STN1: variants seen among roughly 807,000 people sequenced by gnomAD.
STN1 encodes CST complex subunit STN1.
STN1 carries 29 observed loss-of-function variants against 45.5 expected under a neutral mutation model. The ratio of observed to expected loss-of-function variants is 0.64; its 90% CI spans 0.47 to 0.87. The LOEUF is 0.87. STN1 is among the 40% of genes least tolerant of loss of function. The pLI is 0.00. For synonymous variants in STN1, 148 were observed against 159.0 expected, an observed-to-expected ratio of 0.93 and a Z score of 0.52; for missense variants, 376 against 441.4, an observed-to-expected ratio of 0.85 and a Z score of 1.33.
intron 9 of STN1, 25 bp downstream of exon 9, chr10:103,889,047 A>G: frequency 3.3e-6 from 5 of 1,535,848 alleles, no homozygotes; most frequent in Non-Finnish European, 4.5e-6. Context: ...GCACCAGGGC[A>G]TCACTTGTAC....
chr10:103,910,149 T>G (rs1843280163), intron 3 of STN1, among the ~76,000 whole-genome samples: 1 of 152,208 alleles, frequency 6.6e-6, no homozygotes, highest in Admixed American at 6.5e-5. Context: ...TACTTTAACA[T>G]TAATCTGGTC....
At position 103,877,989 on chromosome 10, in the gene STN1, T is replaced by C. The variant is rs116699920; in HGVS notation, c.*4695A>G. 2,829 of 152,364 alleles carry C rather than the reference T, an allele frequency of 0.019. 73 individuals carry two copies. The highest frequency in any genetic ancestry group is 0.065 in the African/African-American group (2,696 of 41,572). 9.4% of individuals were successfully genotyped at this position (152,364 alleles called of 1,614,324 possible). A position where few individuals can be genotyped will look rare whatever the true frequency, so the allele number is the denominator to read the frequency against. On this transcript the variant is annotated 3_prime_UTR_variant, in exon 10 of 10. Coordinates refer to ENST00000224950, the MANE Select transcript of STN1 (RefSeq NM_024928.5). ...AAATTACAAGTTTACTTGGTTTCAGTCCTTGGCACTAAGTCTTAGGTTCCT... is the reference window on the plus strand; with the variant it reads ...AAATTACAAGTTTACTTGGTTTCAGCCCTTGGCACTAAGTCTTAGGTTCCT...
Position 103,918,139 on chromosome 10 carries a change from A to C in STN1, c.-102T>G, listed in dbSNP as rs4387287. On this transcript the variant is annotated 5_prime_UTR_variant, in exon 1 of 10. Coordinates refer to ENST00000224950, the MANE Select transcript of STN1 (RefSeq NM_024928.5). The stretch of plus-strand genomic sequence containing the variant: ...GCCGCCTGCAGCTCCAGGAGCCCTG[A>C]GACCTGGCCCTTCCGGCGCTCGGAG... 0.69 allele frequency: 105,962 copies of C among 152,622 alleles called. 40,268 individuals are homozygous for C. Among genetic ancestry groups the C allele is most frequent in the Non-Finnish European group, 0.83 (56,794 of 68,290 alleles). The allele number at this position is 152,622 out of a possible 1,614,324, so 9.5% of individuals were successfully genotyped here.
intron 2 of STN1, 98 bp from the exon 3 acceptor site, chr10:103,910,720 A>G: frequency 3.1e-6 from 2 of 644,756 alleles, no homozygotes. Flanking sequence ...TAAAAAAATC[A>G]ATCCATGCTG....
At chr10:103,911,465 C>T (rs957737329) in intron 2 of STN1, among the ~76,000 whole-genome samples, 1 of 152,228 alleles carries the variant, frequency 6.6e-6, no homozygotes, top group African/African-American at 2.4e-5. Flanking sequence ...ATCTCTTTTC[C>T]AGCCTCTTCC....
intron 4 of STN1, among the ~76,000 whole-genome samples, chr10:103,900,472 C>T (rs566874453): frequency 3.9e-5 from 6 of 152,284 alleles, no homozygotes; most frequent in East Asian, 3.9e-4. Context: ...GGGCAAGTTC[C>T]GACAGGCTCC....
At chr10:103,889,460 C>T (rs755068348) in intron 8 of STN1, among the ~76,000 whole-genome samples, 4 of 152,012 alleles carry the variant, frequency 2.6e-5, no homozygotes, top group East Asian at 1.9e-4. Context: ...TAGTTTTGAG[C>T]GAGGCACAGT....
intron 8 of STN1, 60 bp from the exon 9 acceptor site, chr10:103,889,204 T>C: frequency 9.7e-7 from 1 of 1,030,970 alleles, no homozygotes; most frequent in Admixed American, 1.7e-5. Context: ...AGTTGTGTCA[T>C]CCAGACTTCC....
At chr10:103,915,854 G>C (rs1193949159) in intron 2 of STN1, among the ~76,000 whole-genome samples, 1 of 152,044 alleles carries the variant, frequency 6.6e-6, no homozygotes, top group African/African-American at 2.4e-5. Flanking sequence ...TTCCACCTCA[G>C]ATCATGAGGC....
chr10:103,917,148 C>A (rs1275108553), intron 2 of STN1, among the ~76,000 whole-genome samples: 1 of 151,122 alleles, frequency 6.6e-6, no homozygotes, highest in Non-Finnish European at 1.5e-5. Context: ...GCCCAGCGAT[C>A]TCTCCAACAG....
chr10:103,909,366 A>ATATATATATATGTATATATATG (rs1564634874), intron 3 of STN1, among the ~76,000 whole-genome samples: 3 of 80,244 alleles, frequency 3.7e-5, no homozygotes, highest in Admixed American at 1.4e-4. Context: ...AAAAAAAAAA[A>ATATATATATATGTATATATATG]TATATATATA....
At chr10:103,883,898 T>C (rs1161736705) in intron 9 of STN1, among the ~76,000 whole-genome samples, 1 of 151,998 alleles carries the variant, frequency 6.6e-6, no homozygotes, top group African/African-American at 2.4e-5. Context: ...GAGACCAGCC[T>C]GGCCAACATG....
At chr10:103,896,277 A>G (rs1843170147) in intron 7 of STN1, among the ~76,000 whole-genome samples, 1 of 152,180 alleles carries the variant, frequency 6.6e-6, no homozygotes, top group African/African-American at 2.4e-5. Flanking sequence ...CTCTGCTCTC[A>G]CAGAACTTAA....
intron 2 of STN1, 73 bp from the exon 3 acceptor site, chr10:103,910,695 G>C: frequency 1.3e-6 from 1 of 787,784 alleles, no homozygotes; most frequent in Non-Finnish European, 2.1e-6. Flanking sequence ...TTAACTTGTA[G>C]GGGGGAAGGG....
chr10:103,910,479 A>T, intron 3 of STN1, 48 bp downstream of exon 3: 1 of 1,292,656 alleles, frequency 7.7e-7, no homozygotes, highest in Non-Finnish European at 1.1e-6. Flanking sequence ...TCAGCCCAGA[A>T]GGGTCAGCCT....
chr10:103,896,790 C>T (rs1311778988), intron 7 of STN1, among the ~76,000 whole-genome samples: 1 of 152,024 alleles, frequency 6.6e-6, no homozygotes, highest in East Asian at 1.9e-4. Flanking sequence ...CCCACCTTGA[C>T]CTCCCAAAAT....
At chr10:103,914,518 G>A (rs1843315703) in intron 2 of STN1, among the ~76,000 whole-genome samples, 1 of 151,122 alleles carries the variant, frequency 6.6e-6, no homozygotes, top group Non-Finnish European at 1.5e-5. Flanking sequence ...GGGACCATAG[G>A]TACTGCTTTT....
chr10:103,896,618 CTTT>C (rs1221696133), intron 7 of STN1, among the ~76,000 whole-genome samples: 1 of 151,882 alleles, frequency 6.6e-6, no homozygotes, highest in Non-Finnish European at 1.5e-5. Context: ...ATGGAGATAA[CTTT>C]TTCTTTTTTT....
intron 9 of STN1, among the ~76,000 whole-genome samples, chr10:103,884,528 C>T (rs1258236474): frequency 1.3e-5 from 2 of 152,146 alleles, no homozygotes; most frequent in African/African-American, 2.4e-5. Flanking sequence ...AAAGCAAACC[C>T]TCTCCAGTTG....
Sources: gnomAD v4.1 joint callset for allele counts (sites outside exome capture counted in the v4.1 genomes callset) on GRCh38, gnomAD v4.1.1 for gene constraint, MANE v1.5 for transcripts, NCBI Gene and HGNC (gene_info 2026-07-23, HGNC 2026-07-21) for gene names.